Variants in KIAA1217 observed in about 807,000 individuals in gnomAD.
KIAA1217 encodes sickle tail protein homolog.
In KIAA1217, 88 loss-of-function variants were observed where a neutral mutation model predicts 163.9. That is an observed-to-expected ratio of 0.54 (90% confidence interval 0.45 to 0.64). The LOEUF (loss-of-function observed/expected upper bound fraction) is 0.64. KIAA1217 is among the 30% of genes least tolerant of loss of function. KIAA1217 has a pLI of 0.00. For synonymous variants in KIAA1217, 903 were observed against 923.1 expected (o/e 0.98, Z 0.39); for missense variants, 2,372 against 2,475.0 (o/e 0.96, Z 0.88).
chr10:24,141,233 C>CCT (rs372854082), intron 2 of KIAA1217, among the ~76,000 whole-genome samples: 2 of 132,350 alleles, frequency 1.5e-5, no homozygotes, highest in Non-Finnish European at 3.3e-5. Flanking sequence ...AAACCCCCCC[C>CCT]CCCCATTTCT....
At chr10:24,260,694 A>G (rs919104371) in intron 2 of KIAA1217, among the ~76,000 whole-genome samples, 1 of 151,306 alleles carries the variant, frequency 6.6e-6, no homozygotes, top group Non-Finnish European at 1.5e-5. Context: ...GCAGTGAGCT[A>G]TGATTGAGCC....
rs115288154 is a variant in KIAA1217, at chr10:23,793,327, A to G, written c.-321+98093A>G. Among the ~76,000 whole-genome samples, 1,071 of 152,300 alleles carry G rather than the reference A, an allele frequency of 7.0e-3. 19 individuals are homozygous for G. The highest frequency in any genetic ancestry group is 0.025 in the African/African-American group (1,028 of 41,568). On this transcript the variant is annotated intron_variant, in intron 1 of 18. Coordinates refer to the KIAA1217 transcript ENST00000376462. The stretch of plus-strand genomic sequence containing the variant: ...AAGATGAGATCCCTATGCCACTCCC[A>G]GATAGCACGTCCCCGGTGCGTTCTG...
intron 1 of KIAA1217, among the ~76,000 whole-genome samples, chr10:23,725,013 C>T (rs1838059458): frequency 6.6e-6 from 1 of 152,116 alleles, no homozygotes; most frequent in East Asian, 1.9e-4. Flanking sequence ...CAGAGGGAGC[C>T]TCCCTACACC....
chr10:23,829,411 G>A (rs1349468567), intron 1 of KIAA1217, among the ~76,000 whole-genome samples: 1 of 152,116 alleles, frequency 6.6e-6, no homozygotes, highest in East Asian at 1.9e-4. Flanking sequence ...GAAAAATATT[G>A]ACACTGCTTT....
chr10:24,368,403 C>CT (rs369144576), intron 2 of KIAA1217, among the ~76,000 whole-genome samples: 1 of 151,866 alleles, frequency 6.6e-6, no homozygotes, highest in Non-Finnish European at 1.5e-5. Flanking sequence ...TCCCGCTATT[C>CT]TTTTTTTCTT....
chr10:24,159,141 A>T (rs984019060), intron 2 of KIAA1217, among the ~76,000 whole-genome samples: 2 of 152,138 alleles, frequency 1.3e-5, no homozygotes, highest in African/African-American at 4.8e-5. Flanking sequence ...ATAAAAGGGG[A>T]CTATAGTTAT....
intron 2 of KIAA1217, among the ~76,000 whole-genome samples, chr10:24,188,094 G>A (rs1161961867): frequency 6.6e-6 from 1 of 152,140 alleles, no homozygotes; most frequent in Non-Finnish European, 1.5e-5. Flanking sequence ...CTACTCAGGA[G>A]GCTGAGTCAG....
intron 2 of KIAA1217, among the ~76,000 whole-genome samples, chr10:24,155,365 A>T (rs1193642624): frequency 3.3e-5 from 5 of 152,322 alleles, no homozygotes; most frequent in African/African-American, 1.2e-4. Flanking sequence ...TTGAGAAATG[A>T]CAAGTACTTA....
rs538093978 is a variant in KIAA1217, at chr10:24,464,754, G to A, written c.847-8474G>A. On this transcript the variant is annotated intron_variant, in intron 5 of 20. Coordinates refer to ENST00000376454, the MANE Select transcript of KIAA1217 (RefSeq NM_019590.5). Reference sequence around the variant, plus strand: ...CCTGCTTCCACATCCCAAAGTGCTAGGATTACAGGCGTGAGCCACATAGCA... The same window carrying A: ...CCTGCTTCCACATCCCAAAGTGCTAAGATTACAGGCGTGAGCCACATAGCA... 3.3e-5 allele frequency among the ~76,000 whole-genome samples: 5 copies of A among 152,252 alleles called. 1 individual carries two copies. In the South Asian group the frequency reaches 1.0e-3, roughly 32 times the overall value.
intron 2 of KIAA1217, chr10:24,255,341 T>G: frequency 3.4e-6 from 1 of 292,418 alleles, no homozygotes; most frequent in African/African-American, 2.6e-5. Flanking sequence ...CTTCAAATCC[T>G]GAGCGGCTGA....
intron 2 of KIAA1217, among the ~76,000 whole-genome samples, chr10:24,195,703 G>A (rs1589857098): frequency 6.6e-6 from 1 of 152,330 alleles, no homozygotes; most frequent in East Asian, 1.9e-4. Flanking sequence ...AAAGGAAGTG[G>A]CTCTGGGGAG....
At chr10:24,448,274 AATTCACCTGT>A (rs1231155914) in intron 5 of KIAA1217, among the ~76,000 whole-genome samples, 2 of 152,170 alleles carry the variant, frequency 1.3e-5, no homozygotes, top group African/African-American at 4.8e-5. Context: ...TCAGGAGTTG[AATTCACCTGT>A]GGTAGAACGT....
intron 1 of KIAA1217, among the ~76,000 whole-genome samples, chr10:23,801,558 G>A (rs1836468944): frequency 6.6e-6 from 1 of 152,192 alleles, no homozygotes; most frequent in African/African-American, 2.4e-5. Context: ...GTTTAATTGA[G>A]AATATCCACA....
At chr10:24,231,759 T>G (rs2071445000) in intron 2 of KIAA1217, among the ~76,000 whole-genome samples, 1 of 150,856 alleles carries the variant, frequency 6.6e-6, no homozygotes. Context: ...GGAGCTAGCT[T>G]GGATGTGATA....
chr10:23,880,904 G>T (rs1840919656), intron 1 of KIAA1217, among the ~76,000 whole-genome samples: 1 of 151,960 alleles, frequency 6.6e-6, no homozygotes. Context: ...TGCTTGCCTG[G>T]TGCAGACAAC....
intron 6 of KIAA1217, among the ~76,000 whole-genome samples, chr10:24,480,382 C>T (rs2064526899): frequency 6.6e-6 from 1 of 152,230 alleles, no homozygotes; most frequent in South Asian, 2.1e-4. Flanking sequence ...GCTATGACTA[C>T]CTTCAGGTCA....
chr10:24,285,359 G>T (rs916709383), intron 2 of KIAA1217, among the ~76,000 whole-genome samples: 1 of 152,196 alleles, frequency 6.6e-6, no homozygotes, highest in East Asian at 1.9e-4. Context: ...ATAGTGTGAG[G>T]TCTTACATTT....
chr10:24,324,043 G>C (rs1409053826), intron 2 of KIAA1217, among the ~76,000 whole-genome samples: 1 of 151,958 alleles, frequency 6.6e-6, no homozygotes, highest in Non-Finnish European at 1.5e-5. Flanking sequence ...AAGGTGGGAG[G>C]ATTGCTTGAG....
At chr10:24,023,475 A>G (rs890579414) in intron 2 of KIAA1217, among the ~76,000 whole-genome samples, 18 of 151,746 alleles carry the variant, frequency 1.2e-4, no homozygotes, top group African/African-American at 4.1e-4. Context: ...CATGGATAGA[A>G]AATACAGTAT....
Sources: allele counts gnomAD v4.1 joint callset (sites outside exome capture counted in the v4.1 genomes callset), GRCh38; gene constraint gnomAD v4.1.1; transcripts MANE v1.5; gene names NCBI Gene and HGNC (gene_info 2026-07-23, HGNC 2026-07-21).